The following WWOX variants were observed in gnomAD, a reference collection of about 807,000 sequenced individuals.
WWOX encodes the protein WW domain containing oxidoreductase.
In WWOX, 69 loss-of-function variants were observed where a neutral mutation model predicts 46.2. The ratio of observed to expected loss-of-function variants is 1.49; its 90% CI spans 1.23 to 1.82. The LOEUF (loss-of-function observed/expected upper bound fraction) is 1.82. Ranked by LOEUF, WWOX falls within the 40% of genes most tolerant of loss-of-function variation. WWOX has a pLI of 0.00. For missense variants in WWOX, 919 were observed against 542.6 expected (o/e 1.69, Z -6.89); for synonymous variants, 359 against 202.6 (o/e 1.77, Z -6.56).
chr16:79,023,938 A>C (rs2047585866), intron 8 of WWOX, among the ~76,000 whole-genome samples: 1 of 146,006 alleles, frequency 6.8e-6, no homozygotes. Context: ...CCTGGATGAC[A>C]GCAAGACTCC....
chr16:78,995,091 T>C (rs2046963579), intron 8 of WWOX, among the ~76,000 whole-genome samples: 1 of 151,264 alleles, frequency 6.6e-6, no homozygotes, highest in African/African-American at 2.4e-5. Context: ...AGGAGTTCAC[T>C]GTGCCCTTAG....
At chr16:78,523,461 C>T (rs1031384705) in intron 8 of WWOX, among the ~76,000 whole-genome samples, 1 of 152,174 alleles carries the variant, frequency 6.6e-6, no homozygotes, top group African/African-American at 2.4e-5. Flanking sequence ...GTTTGGGGAG[C>T]TGAAGGTCAC....
chr16:79,102,723 G>A (rs926120122), intron 8 of WWOX, among the ~76,000 whole-genome samples: 21 of 152,094 alleles, frequency 1.4e-4, no homozygotes, highest in African/African-American at 3.4e-4. Context: ...CTAATATCTC[G>A]GAGGTTCTGA....
chr16:78,787,441 C>G (rs1158959633), intron 8 of WWOX, among the ~76,000 whole-genome samples: 2 of 152,146 alleles, frequency 1.3e-5, no homozygotes. Context: ...TTGTGTCTGG[C>G]TTCTTGCTTT....
chr16:78,194,951 C>T (rs933154302), intron 5 of WWOX, among the ~76,000 whole-genome samples: 2 of 152,182 alleles, frequency 1.3e-5, no homozygotes, highest in East Asian at 1.9e-4. Context: ...TGCTGTGTGA[C>T]GCGATAGCAG....
chr16:78,224,065 G>A (rs1567439156), intron 5 of WWOX, among the ~76,000 whole-genome samples: 1 of 152,106 alleles, frequency 6.6e-6, no homozygotes, highest in Non-Finnish European at 1.5e-5. Flanking sequence ...ATGCAGTGGG[G>A]TGATCTCAGC....
intron 8 of WWOX, chr16:78,891,747 C>G (rs1325992673): frequency 6.6e-6 from 1 of 151,644 alleles, no homozygotes; most frequent in Non-Finnish European, 1.5e-5. Flanking sequence ...TGAAAGATGA[C>G]AAATGATTTC....
chr16:78,406,016 C>T (rs1466325695), intron 6 of WWOX, among the ~76,000 whole-genome samples: 1 of 152,064 alleles, frequency 6.6e-6, no homozygotes, highest in Non-Finnish European at 1.5e-5. Flanking sequence ...TCATGTTTCT[C>T]ATTCCATCAA....
chr16:78,654,935 GATTA>G (rs888193447), intron 8 of WWOX, among the ~76,000 whole-genome samples: 2 of 151,934 alleles, frequency 1.3e-5, no homozygotes, highest in Non-Finnish European at 2.9e-5. Flanking sequence ...AATTTAGAAA[GATTA>G]ATTAAACATT....
At chr16:78,422,663 G>GTA (rs569996246) in intron 6 of WWOX, among the ~76,000 whole-genome samples, 445 of 24,396 alleles carry the variant, frequency 0.018, 81 homozygotes, top group Middle Eastern at 0.13. Context: ...TTTTTTACAT[G>GTA]TATATATATA....
intron 8 of WWOX, among the ~76,000 whole-genome samples, chr16:79,175,303 A>G (rs556121678): frequency 1.4e-4 from 22 of 152,368 alleles, no homozygotes; most frequent in Admixed American, 6.5e-4. Context: ...AAGAAAGCCT[A>G]TATACTCTGG....
In WWOX at chr16:78,422,842, TATACAC is replaced by T. The variant is rs1169278015; in HGVS notation, c.606-2026_606-2021del. Among the ~76,000 whole-genome samples, 61 of 76,294 alleles carry T rather than the reference TATACAC, an allele frequency of 8.0e-4. 2 individuals are homozygous for T. Among genetic ancestry groups the T allele is most frequent in the Admixed American group, 3.4e-3 (20 of 5,798 alleles). The allele number at this position is 76,294 out of a possible 152,430, so 50.1% of individuals were successfully genotyped here. On this transcript the variant is annotated intron_variant, in intron 6 of 8. Transcript: ENST00000566780. ...ATACACACACATATATATATATACA[TATACAC>T]ACACACACACACACACACACACACA...
chr16:78,131,267 C>T (rs1185936576), intron 4 of WWOX, among the ~76,000 whole-genome samples: 1 of 152,166 alleles, frequency 6.6e-6, no homozygotes. Context: ...GGCTTCAGTG[C>T]ATCAGCGTGA....
intron 5 of WWOX, among the ~76,000 whole-genome samples, chr16:78,264,130 A>G (rs1197445507): frequency 1.3e-5 from 2 of 150,094 alleles, no homozygotes; most frequent in African/African-American, 4.9e-5. Flanking sequence ...AGTCTTGGTC[A>G]TTACGAAGTG....
At chr16:78,702,042 T>TATATATATATATATATATATAA (rs1229780052) in intron 8 of WWOX, among the ~76,000 whole-genome samples, 5 of 120,964 alleles carry the variant, frequency 4.1e-5, no homozygotes, top group African/African-American at 1.5e-4. Context: ...TATATATATA[T>TATATATATATATATATATATAA]ATAAAATAAT....
At chr16:78,537,833 C>T (rs1002290464) in intron 8 of WWOX, among the ~76,000 whole-genome samples, 2 of 152,048 alleles carry the variant, frequency 1.3e-5, no homozygotes, top group African/African-American at 4.8e-5. Flanking sequence ...GATCCACCCA[C>T]GTGTTGGTGC....
intron 6 of WWOX, among the ~76,000 whole-genome samples, chr16:78,412,339 G>C (rs1286737318): frequency 6.6e-6 from 1 of 152,164 alleles, no homozygotes; most frequent in East Asian, 1.9e-4. Context: ...TGTTGACCCT[G>C]AATTTGTGGG....
intron 8 of WWOX, among the ~76,000 whole-genome samples, chr16:79,163,170 C>A (rs903287368): frequency 2.0e-5 from 3 of 151,986 alleles, no homozygotes; most frequent in African/African-American, 7.3e-5. Flanking sequence ...CTGGGGGAGA[C>A]ACTGTGTATA....
chr16:78,882,605 AGCC>A (rs2044366668), intron 8 of WWOX, among the ~76,000 whole-genome samples: 1 of 32,928 alleles, frequency 3.0e-5, no homozygotes, highest in Non-Finnish European at 6.1e-5. Flanking sequence ...CCTCCCGAGT[AGCC>A]TCCCGAGTAG....
Sources: gnomAD v4.1 joint callset for allele counts (sites outside exome capture counted in the v4.1 genomes callset) on GRCh38, gnomAD v4.1.1 for gene constraint, MANE v1.5 for transcripts, NCBI Gene and HGNC (gene_info 2026-07-23, HGNC 2026-07-21) for gene names.